ACSBG1: variants seen among roughly 807,000 people sequenced by gnomAD.
ACSBG1 encodes the protein acyl-CoA synthetase bubblegum family member 1.
In ACSBG1, 39 loss-of-function variants were observed where a neutral mutation model predicts 80.2. The observed-to-expected ratio is 0.49, with a 90% CI of 0.38 to 0.64. The LOEUF (loss-of-function observed/expected upper bound fraction) is 0.64. Ranked by LOEUF, ACSBG1 falls within the 30% of genes least tolerant of loss-of-function variation. The pLI is 0.00. For synonymous variants in ACSBG1, 392 were observed against 379.5 expected (o/e 1.03, Z -0.38); for missense variants, 828 against 966.4 (o/e 0.86, Z 1.90).
In ACSBG1 at chr15:78,171,285, G is replaced by T; in HGVS notation, c.*159C>A. ...CTTGGAATTGTCAGCTATTGTTGGC[G>T]TAAGACCTGGTAAATGTAGAGCCAG... On this transcript the variant is annotated 3_prime_UTR_variant, in exon 14 of 14. Coordinates refer to ENST00000258873, the MANE Select transcript of ACSBG1 (RefSeq NM_015162.5). The T allele has an allele frequency of 5.5e-6, 3 of 549,144 alleles. No individual in the cohort carries two copies. Among genetic ancestry groups the T allele is most frequent in the Non-Finnish European group, 9.7e-6 (3 of 308,922 alleles). The allele number at this position is 549,144 out of a possible 1,614,324, so 34.0% of individuals were successfully genotyped here. A position where few individuals can be genotyped will look rare whatever the true frequency, so the allele number is the denominator to read the frequency against.
Position 78,174,489 on chromosome 15 carries a change from G to T in ACSBG1, c.1738C>A (p.Pro580Thr). Reference protein sequence around the residue: ...IITAGGENVPPVPIEEAVKME... With the variant: ...IITAGGENVPTVPIEEAVKME... ...TTCACGGCCTCCTCGATGGGCACAG[G>T]GGGCACATTCTCCCCACCAGCTGTG... Residue 580 changes from proline (P) to threonine (T), a missense_variant, in exon 12 of 14, where the codon CCT becomes ACT. Physicochemically the swap from Pro to Thr is conservative, Grantham distance 38. This residue lies in a region of ACSBG1 where 201 missense variants were observed against 227.0 expected (regional missense o/e 0.89). Transcript: ENST00000258873. 6.2e-7 allele frequency: 1 copy of T among 1,614,172 alleles called. No homozygotes were observed. The highest frequency in any genetic ancestry group is 8.5e-7 in the Non-Finnish European group (1 of 1,180,036).
Position 78,171,546 on chromosome 15 carries a change from A to G in ACSBG1, c.2090-17T>C. ...TCGTGGGACCTAAAAGGGAAATGAG[A>G]AGAAATGAGTGAGGCCCAGGCTCTG... On this transcript the variant is annotated splice_polypyrimidine_tract_variant and intron_variant, in intron 13 of 13. Transcript: ENST00000258873. 2 of 1,609,046 alleles carry G rather than the reference A, an allele frequency of 1.2e-6. No individual in the cohort carries two copies. Among genetic ancestry groups the G allele is most frequent in the Non-Finnish European group, 1.7e-6 (2 of 1,175,362 alleles).
chr15:78,223,415 G>C (rs2075374849), intron 1 of ACSBG1, among the ~76,000 whole-genome samples: 1 of 152,042 alleles, frequency 6.6e-6, no homozygotes, highest in South Asian at 2.1e-4. Flanking sequence ...TGCACATCCT[G>C]CACATGTACC....
rs2141308249 is a variant in ACSBG1, at chr15:78,169,008, C to T, written c.*2436G>A. On this transcript the variant is annotated 3_prime_UTR_variant, in exon 14 of 14. Transcript: ENST00000258873. ...GCCGAGTAAAAGATTTAGATTAACA[C>T]TTCTACAACTGGCATTTACATCAGT... 1.3e-6 allele frequency: 2 copies of T among 1,575,060 alleles called. No homozygotes were observed. The highest frequency in any genetic ancestry group is 4.5e-5 in the East Asian group (2 of 44,318).
At chr15:78,207,869 G>T (rs943975527) in intron 2 of ACSBG1, 133 bp downstream of exon 2, 16 of 717,096 alleles carry the variant, frequency 2.2e-5, no homozygotes, top group African/African-American at 5.2e-5. Context: ...TGGGAGCGTG[G>T]AACCAGCAAG....
chr15:78,200,483 TTGCTTAC>T lies in ACSBG1; in HGVS notation c.233-5764_233-5758del, dbSNP rs545151112. 7.2e-5 allele frequency among the ~76,000 whole-genome samples: 11 copies of T among 152,282 alleles called. No homozygotes were observed. In the East Asian group the frequency reaches 1.7e-3, roughly 24 times the overall value. On this transcript the variant is annotated intron_variant, in intron 2 of 13. Coordinates refer to ENST00000258873, the MANE Select transcript of ACSBG1 (RefSeq NM_015162.5). ...CCCTCGCTGAGGCCCCGATCATCTC[TTGCTTAC>T]TGCTTACTGAGCCCCTGCCATGCGC...
At chr15:78,223,474 C>T (rs573115162) in intron 1 of ACSBG1, among the ~76,000 whole-genome samples, 1 of 152,210 alleles carries the variant, frequency 6.6e-6, no homozygotes, top group Admixed American at 6.5e-5. Context: ...CACGAAGGGC[C>T]CAGCTATTCC....
rs750157983 is a variant in ACSBG1 at position 78,179,711 on chromosome 15, T to C, written c.1323A>G (p.Gly441=). 1.8e-5 allele frequency: 29 copies of C among 1,613,956 alleles called. No homozygotes were observed. The highest frequency in any genetic ancestry group is 2.3e-5 in the Non-Finnish European group (27 of 1,180,028). Residue 441 remains glycine, a synonymous_variant, in exon 10 of 14, where the codon GGA becomes GGG. Coordinates refer to ENST00000258873, the MANE Select transcript of ACSBG1 (RefSeq NM_015162.5). ...AGAAGTTCTTTTGACACTTGGCAAA[T>C]CCCAGTGCCTGGCGAACCTTGGCTA... ...LVLAKVRQAL[G]FAKCQKNFYG...
intron 5 of ACSBG1, among the ~76,000 whole-genome samples, chr15:78,187,160 T>G (rs915860668): frequency 1.3e-4 from 20 of 152,210 alleles, no homozygotes; most frequent in African/African-American, 3.6e-4. Flanking sequence ...AATAACAGGC[T>G]CTGAAATTGT....
intron 13 of ACSBG1, among the ~76,000 whole-genome samples, chr15:78,173,101 T>C (rs1434089131): frequency 6.6e-6 from 1 of 152,070 alleles, no homozygotes; most frequent in Non-Finnish European, 1.5e-5. Context: ...ATCCCAGCAC[T>C]TTGGGAGGCC....
rs569367654 is a variant in ACSBG1 at position 78,208,385 on chromosome 15, G to A, written c.132-283C>T. Among the ~76,000 whole-genome samples, 4 of 152,278 alleles carry A rather than the reference G, an allele frequency of 2.6e-5. No homozygotes were observed. In the South Asian group the frequency reaches 8.3e-4, roughly 32 times the overall value. On this transcript the variant is annotated intron_variant, in intron 1 of 13. Coordinates refer to ENST00000258873, the MANE Select transcript of ACSBG1 (RefSeq NM_015162.5). ...GGCCTTCTGTGCTCTACTTTGTGGT[G>A]TGACCCTGGGCAAGTTCATGCCTCT...
intron 1 of ACSBG1, among the ~76,000 whole-genome samples, chr15:78,215,724 GAGAAAGAAAGAAAGAA>G (rs56078523): frequency 0.017 from 1,969 of 116,606 alleles, 19 homozygotes; most frequent in Middle Eastern, 0.042. Context: ...AAGAAAGAAA[GAGAAAGAAAGAAAGAA>G]AGAAAGAAAG....
intron 2 of ACSBG1, 43 bp downstream of exon 2, chr15:78,207,959 A>T: frequency 2.5e-6 from 2 of 805,752 alleles, no homozygotes; most frequent in Non-Finnish European, 4.0e-6. Context: ...AGCACAGCAC[A>T]GTTTCCCGCC....
intron 5 of ACSBG1, among the ~76,000 whole-genome samples, chr15:78,184,912 T>C (rs368814076): frequency 3.3e-5 from 5 of 152,272 alleles, no homozygotes; most frequent in East Asian, 3.9e-4. Context: ...TCAGGACTGA[T>C]ATCCCTGAGA....
At chr15:78,182,334 G>C (rs1207227434) in intron 7 of ACSBG1, 132 bp downstream of exon 7, 1 of 1,380,808 alleles carries the variant, frequency 7.2e-7, no homozygotes, top group African/African-American at 1.5e-5. Flanking sequence ...TTGATGGGCT[G>C]TTCTACCTAT....
intron 1 of ACSBG1, among the ~76,000 whole-genome samples, chr15:78,212,965 C>G (rs1003017914): frequency 3.3e-5 from 5 of 152,214 alleles, no homozygotes; most frequent in Admixed American, 2.6e-4. Flanking sequence ...ATCTCCAGGA[C>G]TCCTGCTTTG....
Position 78,173,587 on chromosome 15 carries a change from A to T in ACSBG1, c.2089+6T>A, listed in dbSNP as rs533267955. ...GCCCTTGCAATGGTGAAAAGGAAAA[A>T]CCTACCCAACTCTCCACCCGAAATG... On this transcript the variant is annotated splice_donor_region_variant and intron_variant, in intron 13 of 13. Transcript: ENST00000258873. 1 of 1,613,570 alleles carries T rather than the reference A, an allele frequency of 6.2e-7. No individual in the cohort carries two copies. Among genetic ancestry groups the T allele is most frequent in the East Asian group, 2.2e-5 (1 of 44,852 alleles).
intron 1 of ACSBG1, among the ~76,000 whole-genome samples, chr15:78,221,364 T>G (rs1426174368): frequency 6.6e-6 from 1 of 152,194 alleles, no homozygotes; most frequent in Non-Finnish European, 1.5e-5. Flanking sequence ...GGGAAGGTAC[T>G]GTGCCCAGAC....
At chr15:78,187,053 CAAAT>C (rs984998218) in intron 5 of ACSBG1, among the ~76,000 whole-genome samples, 20 of 152,312 alleles carry the variant, frequency 1.3e-4, no homozygotes, top group Admixed American at 5.2e-4. Flanking sequence ...CACCTCTACT[CAAAT>C]AAACTAGAAA....
Sources: gnomAD v4.1 joint callset for allele counts (sites outside exome capture counted in the v4.1 genomes callset) on GRCh38, gnomAD v4.1.1 for gene constraint, gnomAD v4.1.1 regional missense constraint, MANE v1.5 for transcripts, NCBI Gene and HGNC (gene_info 2026-07-23, HGNC 2026-07-21) for gene names.